Variants in HYAL4 observed in about 807,000 individuals in gnomAD.
The protein encoded by HYAL4 is hyaluronidase 4.
In HYAL4, 37 loss-of-function variants were observed where a neutral mutation model predicts 35.2. That is an observed-to-expected ratio of 1.05 (90% CI 0.81 to 1.38). The LOEUF (loss-of-function observed/expected upper bound fraction) is 1.38. HYAL4 is among the 40% of genes most tolerant of loss of function. HYAL4 has a pLI of 0.00. For missense variants in HYAL4, 572 were observed against 572.4 expected (o/e 1.00, Z 0.01); for synonymous variants, 198 against 203.2 (o/e 0.97, Z 0.22).
upstream of HYAL4, among the ~76,000 whole-genome samples, chr7:123,826,814 G>A (rs1340301433): frequency 1.3e-5 from 2 of 152,106 alleles, no homozygotes; most frequent in African/African-American, 4.8e-5. Flanking sequence ...CAGAATGGTA[G>A]CAAGGGTTGA....
chr7:123,849,821 C>T (rs1419593958), intron 2 of HYAL4, among the ~76,000 whole-genome samples: 5 of 152,084 alleles, frequency 3.3e-5, no homozygotes, highest in African/African-American at 1.2e-4. Flanking sequence ...GGACCGAGAT[C>T]GCATCACTGC....
upstream of HYAL4, among the ~76,000 whole-genome samples, chr7:123,827,572 C>T (rs1805816469): frequency 6.6e-6 from 1 of 152,126 alleles, no homozygotes; most frequent in Admixed American, 6.6e-5. Flanking sequence ...CCTGTCCTGA[C>T]TAAAAACAGC....
At chr7:123,860,098 C>G (rs1806544391) in intron 2 of HYAL4, among the ~76,000 whole-genome samples, 1 of 152,158 alleles carries the variant, frequency 6.6e-6, no homozygotes, top group Non-Finnish European at 1.5e-5. Flanking sequence ...TGAGTTCTCA[C>G]AAGATCTGAT....
chr7:123,863,074 T>C (rs2116948038), intron 2 of HYAL4, among the ~76,000 whole-genome samples: 1 of 152,324 alleles, frequency 6.6e-6, no homozygotes, highest in Admixed American at 6.5e-5. Flanking sequence ...TTGGGATCAG[T>C]GAGGCTTGTT....
chr7:123,845,944 G>A (rs754683131), intron 1 of HYAL4, among the ~76,000 whole-genome samples: 3 of 152,170 alleles, frequency 2.0e-5, no homozygotes, highest in African/African-American at 2.4e-5. Context: ...CACCTAGCTG[G>A]TCTGCCAGGC....
the HYAL4 span, among the ~76,000 whole-genome samples, chr7:123,794,423 T>A: frequency 6.6e-6 from 1 of 152,182 alleles, no homozygotes. Context: ...GAGACCTTTG[T>A]GGCAGCCCCT....
chr7:123,791,421 G>T, the HYAL4 span, among the ~76,000 whole-genome samples: 2 of 152,170 alleles, frequency 1.3e-5, no homozygotes, highest in African/African-American at 4.8e-5. Flanking sequence ...CAAGATACAA[G>T]AGATGGTATG....
At chr7:123,844,854 C>T (rs951268330), upstream of HYAL4, among the ~76,000 whole-genome samples, 2 of 152,176 alleles carry the variant, frequency 1.3e-5, no homozygotes, top group Non-Finnish European at 2.9e-5. Flanking sequence ...CGGGAATCAC[C>T]TTGTCTACTG....
chr7:123,801,505 A>C, the HYAL4 span, among the ~76,000 whole-genome samples: 2 of 152,106 alleles, frequency 1.3e-5, no homozygotes. Flanking sequence ...GAAAAAGTAA[A>C]AATTGACTTA....
intron 1 of HYAL4, among the ~76,000 whole-genome samples, chr7:123,833,878 G>A (rs780890994): frequency 6.6e-6 from 1 of 152,006 alleles, no homozygotes; most frequent in African/African-American, 2.4e-5. Flanking sequence ...TTGCTTTGTT[G>A]AAGATCAGCT....
chr7:123,811,772 C>G, the HYAL4 span, among the ~76,000 whole-genome samples: 1 of 151,936 alleles, frequency 6.6e-6, no homozygotes. Flanking sequence ...TCTAAATTTT[C>G]TCCTATATTA....
chr7:123,796,479 A>G, the HYAL4 span, among the ~76,000 whole-genome samples: 1 of 152,256 alleles, frequency 6.6e-6, no homozygotes. Flanking sequence ...AAACTGAGGC[A>G]TAATTTGCCC....
At chr7:123,766,737 A>AAT in the HYAL4 span, among the ~76,000 whole-genome samples, 3 of 152,198 alleles carry the variant, frequency 2.0e-5, no homozygotes, top group Non-Finnish European at 4.4e-5. Context: ...GCCTGCAGAG[A>AAT]ATAAATGGGT....
chr7:123,778,183 A>ATCTC, the HYAL4 span, among the ~76,000 whole-genome samples: 4 of 151,368 alleles, frequency 2.6e-5, no homozygotes, highest in African/African-American at 9.8e-5. Flanking sequence ...CTATCTATCT[A>ATCTC]TCTATCTATC....
chr7:123,825,029 A>G (rs930191943), upstream of HYAL4, among the ~76,000 whole-genome samples: 1 of 152,084 alleles, frequency 6.6e-6, no homozygotes, highest in Non-Finnish European at 1.5e-5. Flanking sequence ...CCATTTATAT[A>G]TGCTGGAGAT....
At position 123,876,916 on chromosome 7, in the gene HYAL4, G is replaced by C; in HGVS notation, c.1207G>C (p.Ala403Pro). 6.2e-7 allele frequency: 1 copy of C among 1,614,154 alleles called. No individual in the cohort carries two copies. Among genetic ancestry groups the C allele is most frequent in the East Asian group, 2.2e-5 (1 of 44,880 alleles). ...GCCCAGTTACCTTCACTTGAACCCT[G>C]CAAGTTACCACATAGAGGCCTCTGA... Reference protein sequence around the residue: ...NAPSYLHLNPASYHIEASEDG... With the variant: ...NAPSYLHLNPPSYHIEASEDG... The change falls in exon 5 of 5, where the codon GCA becomes CCA. Residue 403 changes from alanine to proline, a missense_variant. Physicochemically the swap from Ala to Pro is conservative, Grantham distance 27. Coordinates refer to ENST00000223026, the MANE Select transcript of HYAL4 (RefSeq NM_012269.3).
upstream of HYAL4, among the ~76,000 whole-genome samples, chr7:123,825,105 T>G (rs1805782441): frequency 6.6e-6 from 1 of 151,866 alleles, no homozygotes; most frequent in Non-Finnish European, 1.5e-5. Context: ...TCAGGTGAAA[T>G]CTCTCTTTCT....
chr7:123,784,792 G>A, the HYAL4 span, among the ~76,000 whole-genome samples: 552 of 152,272 alleles, frequency 3.6e-3, no homozygotes, highest in Non-Finnish European at 6.6e-3. Context: ...CTGAAAACAA[G>A]GAGCCTTCCA....
the HYAL4 span, among the ~76,000 whole-genome samples, chr7:123,802,846 G>A: frequency 3.9e-5 from 6 of 152,174 alleles, no homozygotes; most frequent in African/African-American, 7.2e-5. Flanking sequence ...TGAAACATAT[G>A]CAATTGTATA....
Sources: allele counts gnomAD v4.1 joint callset (sites outside exome capture counted in the v4.1 genomes callset), GRCh38; gene constraint gnomAD v4.1.1; transcripts MANE v1.5; gene names NCBI Gene and HGNC (gene_info 2026-07-23, HGNC 2026-07-21).